The following CNNM2 variants were observed in gnomAD, a reference collection of about 807,000 sequenced individuals.
The protein encoded by CNNM2 is metal transporter CNNM2.
CNNM2 carries 12 observed loss-of-function variants against 66.9 expected under a neutral mutation model. The observed-to-expected ratio is 0.18, with a 90% CI of 0.11 to 0.29. The LOEUF is 0.29. Ranked by LOEUF, CNNM2 falls within the 10% of genes least tolerant of loss-of-function variation. CNNM2 has a pLI of 1.00. For missense variants in CNNM2, 705 were observed against 1,167.7 expected (o/e 0.60, Z 5.77); for synonymous variants, 557 against 501.8 (o/e 1.11, Z -1.47).
intron 1 of CNNM2, among the ~76,000 whole-genome samples, chr10:103,035,968 G>C (rs1025326165): frequency 1.3e-5 from 2 of 152,208 alleles, no homozygotes; most frequent in African/African-American, 4.8e-5. Context: ...ACATTAGTTT[G>C]TCTTCTTATA....
intron 1 of CNNM2, among the ~76,000 whole-genome samples, chr10:103,011,559 T>C (rs1279198020): frequency 6.6e-6 from 1 of 152,062 alleles, no homozygotes; most frequent in Non-Finnish European, 1.5e-5. Context: ...TTAGGAATTA[T>C]GATTGTCAGA....
intron 2 of CNNM2, among the ~76,000 whole-genome samples, chr10:103,053,661 T>C (rs576846910): frequency 6.6e-6 from 1 of 152,342 alleles, no homozygotes; most frequent in African/African-American, 2.4e-5. Context: ...GTGGAGACTA[T>C]GTAGACCCAC....
intron 1 of CNNM2, 96 bp from the exon 2 acceptor site, chr10:103,049,611 A>G: frequency 8.9e-7 from 1 of 1,123,070 alleles, no homozygotes; most frequent in South Asian, 1.5e-5. Context: ...TGATAATTCG[A>G]CATCTGTGTT....
chr10:103,065,071 T>C (rs1475001280), intron 4 of CNNM2, among the ~76,000 whole-genome samples: 1 of 152,070 alleles, frequency 6.6e-6, no homozygotes, highest in African/African-American at 2.4e-5. Flanking sequence ...CCTGGGATCC[T>C]GTCTGGAAGG....
chr10:103,006,079 G>A (rs2064220463), intron 1 of CNNM2, among the ~76,000 whole-genome samples: 1 of 152,136 alleles, frequency 6.6e-6, no homozygotes. Flanking sequence ...TCTCTTTCTG[G>A]AATGTACTGT....
In CNNM2 at chr10:102,944,579, T is replaced by C. The variant is rs190907541; in HGVS notation, c.1621+24478T>C. On this transcript the variant is annotated intron_variant, in intron 1 of 7. Transcript: ENST00000369878. ...TAATATTTTGCCATATTTGTATCTT[T>C]TCGTGTGTGTGTGTGTGTGTGTGTG... Among the ~76,000 whole-genome samples the C allele has an allele frequency of 1.8e-4, 22 of 124,712 alleles. No homozygotes were observed. In the East Asian group the frequency reaches 4.5e-3, roughly 25 times the overall value. 81.8% of individuals were successfully genotyped at this position (124,712 alleles called of 152,430 possible).
chr10:102,925,386 T>C (rs1439523080), intron 1 of CNNM2, among the ~76,000 whole-genome samples: 1 of 150,362 alleles, frequency 6.7e-6, no homozygotes, highest in African/African-American at 2.4e-5. Flanking sequence ...GACCTCTGAA[T>C]TGGGAAAGAG....
chr10:102,972,255 G>A (rs916636365), intron 1 of CNNM2, among the ~76,000 whole-genome samples: 1 of 152,156 alleles, frequency 6.6e-6, no homozygotes, highest in Non-Finnish European at 1.5e-5. Flanking sequence ...CATATATGCT[G>A]TGATTTCCAA....
intron 1 of CNNM2, among the ~76,000 whole-genome samples, chr10:102,936,008 G>T (rs573461659): frequency 6.2e-5 from 9 of 145,590 alleles, no homozygotes; most frequent in Non-Finnish European, 1.1e-4. Context: ...TGTTTTTTTG[G>T]TTTTTTTTTT....
At chr10:102,952,424 C>T (rs1306642347) in intron 1 of CNNM2, among the ~76,000 whole-genome samples, 4 of 151,764 alleles carry the variant, frequency 2.6e-5, no homozygotes, top group Non-Finnish European at 4.4e-5. Flanking sequence ...ATTGGCTGGG[C>T]GTGGTGGCGG....
At chr10:103,045,309 G>A (rs553974697) in intron 1 of CNNM2, among the ~76,000 whole-genome samples, 1 of 152,238 alleles carries the variant, frequency 6.6e-6, no homozygotes, top group South Asian at 2.1e-4. Flanking sequence ...AGCATGCTAG[G>A]GATGAAGATT....
intron 1 of CNNM2, among the ~76,000 whole-genome samples, chr10:102,937,177 C>G (rs1034327446): frequency 1.3e-5 from 2 of 152,040 alleles, no homozygotes; most frequent in Non-Finnish European, 2.9e-5. Context: ...TGACAAAAAT[C>G]CAGTTTGTTT....
chr10:103,001,517 T>G (rs2064121569), intron 1 of CNNM2, among the ~76,000 whole-genome samples: 1 of 152,172 alleles, frequency 6.6e-6, no homozygotes, highest in South Asian at 2.1e-4. Flanking sequence ...CCCACAAGGA[T>G]GCCAGATGAG....
intron 1 of CNNM2, among the ~76,000 whole-genome samples, chr10:102,931,864 A>G (rs902137501): frequency 3.3e-5 from 5 of 151,890 alleles, no homozygotes; most frequent in African/African-American, 1.2e-4. Flanking sequence ...AAAAAAAAAA[A>G]AAGAATGCCA....
chr10:103,018,730 C>T (rs2064506213), intron 1 of CNNM2, among the ~76,000 whole-genome samples: 1 of 138,744 alleles, frequency 7.2e-6, no homozygotes, highest in Non-Finnish European at 1.5e-5. Flanking sequence ...CCCTCTTGCA[C>T]TCACTGCAAC....
At chr10:102,971,724 A>G (rs769381861) in intron 1 of CNNM2, among the ~76,000 whole-genome samples, 8 of 152,080 alleles carry the variant, frequency 5.3e-5, no homozygotes, top group Admixed American at 1.3e-4. Flanking sequence ...ACCATAATCT[A>G]CTTAACTGTT....
chr10:103,030,037 T>C (rs902317385), intron 1 of CNNM2, among the ~76,000 whole-genome samples: 2 of 151,886 alleles, frequency 1.3e-5, no homozygotes, highest in Non-Finnish European at 2.9e-5. Context: ...ACATTGAATA[T>C]TTGAGGGAGA....
intron 1 of CNNM2, among the ~76,000 whole-genome samples, chr10:102,959,487 C>G (rs554868585): frequency 5.5e-4 from 84 of 152,334 alleles, no homozygotes; most frequent in Non-Finnish European, 1.0e-3. Context: ...TATCAGACAT[C>G]TGGCTTTGAA....
intron 1 of CNNM2, among the ~76,000 whole-genome samples, chr10:102,948,124 CA>C (rs1846688017): frequency 6.6e-6 from 1 of 152,154 alleles, no homozygotes; most frequent in South Asian, 2.1e-4. Flanking sequence ...TTTCTATTAT[CA>C]GGTTTCAAAA....
Sources: allele counts gnomAD v4.1 joint callset (sites outside exome capture counted in the v4.1 genomes callset), GRCh38; gene constraint gnomAD v4.1.1; transcripts MANE v1.5; gene names NCBI Gene and HGNC (gene_info 2026-07-23, HGNC 2026-07-21).